GOLGA3: variants seen among roughly 807,000 people sequenced by gnomAD.
The protein encoded by GOLGA3 is golgin subfamily A member 3.
Under a neutral mutation model 169.4 loss-of-function variants are expected in GOLGA3, and 75 were observed. That is an observed-to-expected ratio of 0.44 (90% CI 0.37 to 0.54). The LOEUF is 0.54. GOLGA3 is among the 20% of genes least tolerant of loss of function. The pLI, the probability that GOLGA3 is intolerant of heterozygous loss-of-function variation, is 0.00. For synonymous variants in GOLGA3, 824 were observed against 822.4 expected, an observed-to-expected ratio of 1.00 and a Z score of -0.03; for missense variants, 1,899 against 1,930.0, an observed-to-expected ratio of 0.98 and a Z score of 0.30.
rs1340121999 is a variant in GOLGA3, at chr12:132,821,998, T to C, written c.131A>G (p.Gln44Arg). 3 of 1,603,702 alleles carry C rather than the reference T, an allele frequency of 1.9e-6. No homozygotes were observed. In the Admixed American group the frequency reaches 5.2e-5, roughly 28 times the overall value. Residue 44 changes from glutamine (Q) to arginine (R), a missense_variant and splice_region_variant, in exon 2 of 24, where the codon CAG becomes CGG. Transcript: ENST00000450791. ...CACAGAGGAACCTCACGACTTACACTGGACTTTGTCCTGCTGGTCAGGTGG... is the reference window on the plus strand; with the variant it reads ...CACAGAGGAACCTCACGACTTACACCGGACTTTGTCCTGCTGGTCAGGTGG... ...LVPPDQQDKV[Q>R]CAEVNRASTE...
chr12:132,769,815 T>A lies in GOLGA3; in HGVS notation c.*3290A>T, dbSNP rs908303909. On this transcript the variant is annotated 3_prime_UTR_variant, in exon 24 of 24. Transcript: ENST00000450791. ...CTTTTCCGTGAGGATATTCCATCAT[T>A]CCCACTTCTGCCCACAAGAACAAAA... The A allele has an allele frequency of 1.3e-5, 2 of 152,160 alleles. No individual in the cohort carries two copies. The highest frequency in any genetic ancestry group is 4.8e-5 in the African/African-American group (2 of 41,430). The allele number at this position is 152,160 out of a possible 1,614,324, so 9.4% of individuals were successfully genotyped here. A position where few individuals can be genotyped will look rare whatever the true frequency, so the allele number is the denominator to read the frequency against.
At chr12:132,816,861 A>T in intron 2 of GOLGA3, 49 bp from the exon 3 acceptor site, 1 of 1,508,902 alleles carries the variant, frequency 6.6e-7, no homozygotes, top group Non-Finnish European at 8.9e-7. Context: ...CAACAAGGTG[A>T]CGTCGCTTTT....
In GOLGA3 at chr12:132,777,756, G is replaced by A. The variant is rs147533236; in HGVS notation, c.3632C>T (p.Ala1211Val). 140 of 1,613,898 alleles carry A rather than the reference G, an allele frequency of 8.7e-5. No homozygotes were observed. The highest frequency in any genetic ancestry group is 1.2e-4 in the Non-Finnish European group (136 of 1,179,986). Reference protein sequence around the residue: ...EAGHNRRHFKAASLELSEVKK... With the variant: ...EAGHNRRHFKVASLELSEVKK... ...CACCTCACTCAGCTCCAAGGAGGCC[G>A]CCTTGAAGTGGCGGCGGTTATGCCC... Residue 1211 changes from alanine to valine, a missense_variant, in exon 19 of 24, where the codon GCG becomes GTG. Coordinates refer to ENST00000450791, the MANE Select transcript of GOLGA3 (RefSeq NM_001389683.1). The surrounding 1 kb of genome is among the most constrained non-coding windows in gnomAD (Gnocchi z 4.7).
At position 132,775,237 on chromosome 12, in the gene GOLGA3, G is replaced by A. The variant is rs1227891259; in HGVS notation, c.4047C>T (p.Leu1349=). 4 of 1,614,006 alleles carry A rather than the reference G, an allele frequency of 2.5e-6. No homozygotes were observed. Among genetic ancestry groups the A allele is most frequent in the Middle Eastern group, 1.6e-4 (1 of 6,062 alleles). The change falls in exon 22 of 24, where the codon CTC becomes CTT. Residue 1349 remains leucine (L), a synonymous_variant. Transcript: ENST00000450791. ...TCTTCAGCTCCGACACTTTTGCCTGGAGCATAAATTTATCCTTCTGGGTCA... is the reference window on the plus strand; with the variant it reads ...TCTTCAGCTCCGACACTTTTGCCTGAAGCATAAATTTATCCTTCTGGGTCA... ...LSMTQKDKFM[L]QAKVSELKNN...
In GOLGA3 at chr12:132,776,985, G is replaced by A; in HGVS notation, c.3828C>T (p.Leu1276=). The A allele has an allele frequency of 6.2e-7, 1 of 1,606,570 alleles. No individual in the cohort carries two copies. The highest frequency in any genetic ancestry group is 8.5e-7 in the Non-Finnish European group (1 of 1,176,480). ...CTTGGTTTCCCACGGGCTGTTTGCT[G>A]AGCTGCTCGTCCAGCTGCTTCTGCA... The part of the protein sequence containing the change: ...QLLQKQLDEQ[L]SKQPVGNQEM... Residue 1276 remains leucine (L), a synonymous_variant, in exon 20 of 24, where the codon CTC becomes CTT. Coordinates refer to ENST00000450791, the MANE Select transcript of GOLGA3 (RefSeq NM_001389683.1).
rs780895366 is a variant in GOLGA3 at position 132,777,036 on chromosome 12, G to A, written c.3777C>T (p.Ala1259=). 8.7e-6 allele frequency: 14 copies of A among 1,611,032 alleles called. No homozygotes were observed. The highest frequency in any genetic ancestry group is 6.7e-5 in the African/African-American group (5 of 74,696). The change falls in exon 20 of 24, where the codon GCC becomes GCT. Residue 1259 remains alanine (A), a synonymous_variant. Transcript: ENST00000450791. This position sits in a 1 kb window ranked among gnomAD's most constrained non-coding sequence, Gnocchi z 4.7. ...GGAGCTGGAGCTGTGCCCGGGCCTC[G>A]GCCAGCTCTGCTTGGAACTGTGCTA... is the stretch of plus-strand genomic sequence containing the variant. ...QEIAQFQAEL[A]EARAQLQLLQ...
In GOLGA3 at chr12:132,777,214, G is replaced by T; in HGVS notation, c.3723-124C>A. On this transcript the variant is annotated intron_variant, in intron 19 of 23. Coordinates refer to ENST00000450791, the MANE Select transcript of GOLGA3 (RefSeq NM_001389683.1). This position sits in a 1 kb window ranked among gnomAD's most constrained non-coding sequence, Gnocchi z 4.7. ...GCAGGCCCTCTGCTGTGCACTGCGT[G>T]CTGCAGCCATGCTTGGTGCCCACAG... is the stretch of plus-strand genomic sequence containing the variant. The T allele has an allele frequency of 9.7e-7, 1 of 1,033,284 alleles. No homozygotes were observed. Among genetic ancestry groups the T allele is most frequent in the Non-Finnish European group, 1.4e-6 (1 of 718,268 alleles). 64.0% of individuals were successfully genotyped at this position (1,033,284 alleles called of 1,614,324 possible).
chr12:132,817,148 C>T lies in GOLGA3; in HGVS notation c.134-336G>A, dbSNP rs145220570. ...ACACCTCCACACTCTAATGTGAACC[C>T]GCCCTCCACTCCTCCACGCTCTAAG... On this transcript the variant is annotated intron_variant, in intron 2 of 23. Coordinates refer to ENST00000450791, the MANE Select transcript of GOLGA3 (RefSeq NM_001389683.1). 1.8e-4 allele frequency among the ~76,000 whole-genome samples: 27 copies of T among 148,116 alleles called. No homozygotes were observed. The East Asian group carries it at 5.3e-3, about 29-fold the overall frequency.
chr12:132,786,838 TCTCCCCTTCCTGG>T, intron 13 of GOLGA3, 51 bp from the exon 14 acceptor site: 3 of 1,255,894 alleles, frequency 2.4e-6, no homozygotes, highest in Non-Finnish European at 2.3e-6. Context: ...CCCCAGCCTG[TCTCCCCTTCCTGG>T]CTCCAGCCCA....
In GOLGA3 at chr12:132,777,040, A is replaced by C; in HGVS notation, c.3773T>G (p.Leu1258Arg). 2 of 1,610,958 alleles carry C rather than the reference A, an allele frequency of 1.2e-6. No homozygotes were observed. The highest frequency in any genetic ancestry group is 1.7e-6 in the Non-Finnish European group (2 of 1,178,926). ...SQEIAQFQAE[L>R]AEARAQLQLL... ...CTGGAGCTGTGCCCGGGCCTCGGCC[A>C]GCTCTGCTTGGAACTGTGCTATCTC... The change falls in exon 20 of 24, where the codon CTG (leucine) becomes CGG (arginine). Residue 1258 changes from leucine to arginine, a missense_variant. Leu to Arg is a moderately radical substitution (Grantham distance 102). Transcript: ENST00000450791. This position sits in a 1 kb window ranked among gnomAD's most constrained non-coding sequence, Gnocchi z 4.7.
intron 1 of GOLGA3, chr12:132,826,161 C>A: frequency 6.3e-7 from 1 of 1,597,088 alleles, no homozygotes; most frequent in Non-Finnish European, 8.6e-7. Flanking sequence ...GCTGCCAGCA[C>A]CAAGAAGCAG....
rs1261760630 is a variant in GOLGA3, at chr12:132,789,116, CCT to C, written c.2720_2721del (p.Glu907GlyfsTer12). 6.2e-7 allele frequency: 1 copy of C among 1,613,470 alleles called. No homozygotes were observed. Among genetic ancestry groups the C allele is most frequent in the South Asian group, 1.1e-5 (1 of 91,078 alleles). On this transcript the variant is annotated frameshift_variant, in exon 13 of 24. Transcript: ENST00000450791. LOFTEE classifies it high-confidence loss of function. Reference protein sequence around the residue: ...AEAELSRLHREVAQVRQHMAD... With the variant: ...AEAELSRLHRXVAQVRQHMAD... ...GCCATGTGCTGACGGACCTGGGCCA[CCT>C]CTCTGTGCAGGCGCGAGAGCTCCGC... is the stretch of plus-strand genomic sequence containing the variant.
intron 2 of GOLGA3, among the ~76,000 whole-genome samples, chr12:132,817,213 C>T (rs1480521463): frequency 4.5e-5 from 6 of 132,438 alleles, no homozygotes; most frequent in East Asian, 2.3e-4. Context: ...TAAGGTGAAC[C>T]CGCCCTCCAC....
At chr12:132,814,019 C>T (rs1425527071) in intron 3 of GOLGA3, among the ~76,000 whole-genome samples, 2 of 136,026 alleles carry the variant, frequency 1.5e-5, no homozygotes, top group African/African-American at 2.8e-5. Context: ...CCACCGCGCC[C>T]GGCCTTTTTT....
intron 12 of GOLGA3, 106 bp downstream of exon 12, chr12:132,791,110 A>T (rs2046208722): frequency 5.1e-6 from 2 of 395,928 alleles, no homozygotes; most frequent in Non-Finnish European, 9.4e-6. Flanking sequence ...TCAAGATGTT[A>T]CCTTCTTCTC....
chr12:132,791,296 G>A lies in GOLGA3; in HGVS notation c.2470-3C>T, dbSNP rs776764083. Reference sequence around the variant, plus strand: ...GTCTCCTGCTGCAGGTGTTCCACCTGTGGGAGACATGTGCACAGACATTAC... The same window carrying A: ...GTCTCCTGCTGCAGGTGTTCCACCTATGGGAGACATGTGCACAGACATTAC... On this transcript the variant is annotated splice_region_variant and splice_polypyrimidine_tract_variant and intron_variant, in intron 11 of 23. Transcript: ENST00000450791. 1.2e-5 allele frequency: 19 copies of A among 1,582,774 alleles called. No individual in the cohort carries two copies. The highest frequency in any genetic ancestry group is 1.6e-5 in the Non-Finnish European group (19 of 1,154,388).
In GOLGA3 at chr12:132,770,684, G is replaced by C. The variant is rs2044861265; in HGVS notation, c.*2421C>G. The C allele has an allele frequency of 6.6e-6, 1 of 152,228 alleles. No individual in the cohort carries two copies. Among genetic ancestry groups the C allele is most frequent in the Admixed American group, 6.5e-5 (1 of 15,290 alleles). The allele number at this position is 152,228 out of a possible 1,614,324, so 9.4% of individuals were successfully genotyped here. A position where few individuals can be genotyped will look rare whatever the true frequency, so the allele number is the denominator to read the frequency against. The stretch of plus-strand genomic sequence containing the variant: ...GAGTCTCGCTCTGTTGCCCAGGCTG[G>C]AGGGCAGTGGCGCGATCTCGGCTCA... On this transcript the variant is annotated 3_prime_UTR_variant, in exon 24 of 24. Coordinates refer to ENST00000450791, the MANE Select transcript of GOLGA3 (RefSeq NM_001389683.1).
chr12:132,792,498 T>G (rs1441839420), intron 11 of GOLGA3, among the ~76,000 whole-genome samples: 4 of 152,222 alleles, frequency 2.6e-5, no homozygotes, highest in Non-Finnish European at 5.9e-5. Flanking sequence ...CAAAGTCTGT[T>G]GGAGCCCAGC....
intron 3 of GOLGA3, among the ~76,000 whole-genome samples, chr12:132,814,223 C>T (rs1949857390): frequency 6.6e-6 from 1 of 151,752 alleles, no homozygotes; most frequent in South Asian, 2.1e-4. Context: ...AGGGTTTCTC[C>T]ATGTTGGTCA....
Sources: allele counts gnomAD v4.1 joint callset (sites outside exome capture counted in the v4.1 genomes callset), GRCh38; gene constraint gnomAD v4.1.1; non-coding constraint Gnocchi (gnomAD v3.1); transcripts MANE v1.5; gene names NCBI Gene and HGNC (gene_info 2026-07-23, HGNC 2026-07-21).